COL14A1: variants seen among roughly 807,000 people sequenced by gnomAD.
COL14A1 encodes the protein collagen alpha-1(XIV) chain.
In COL14A1, 136 loss-of-function variants were observed where a neutral mutation model predicts 230.3. That is an observed-to-expected ratio of 0.59 (90% CI 0.51 to 0.68). COL14A1 has a LOEUF of 0.68. Ranked by LOEUF, COL14A1 falls within the 30% of genes least tolerant of loss-of-function variation. The pLI, the probability that COL14A1 is intolerant of heterozygous loss-of-function variation, is 0.00. For synonymous variants in COL14A1, 792 were observed against 784.1 expected, an observed-to-expected ratio of 1.01 and a Z score of -0.17; for missense variants, 1,976 against 2,215.8, an observed-to-expected ratio of 0.89 and a Z score of 2.17.
chr8:120,176,479 C>T (rs1816286708), intron 5 of COL14A1, among the ~76,000 whole-genome samples: 1 of 152,172 alleles, frequency 6.6e-6, no homozygotes. Flanking sequence ...GTTCTTGGCT[C>T]ACAGTCAAGA....
intron 45 of COL14A1, among the ~76,000 whole-genome samples, chr8:120,356,043 C>G (rs1485625079): frequency 6.6e-6 from 1 of 152,026 alleles, no homozygotes; most frequent in African/African-American, 2.4e-5. Flanking sequence ...AAGTGGAAGA[C>G]CTGGTTTGGA....
Position 120,225,222 on chromosome 8 carries a change from G to A in COL14A1, c.1864+8G>A. 6.2e-7 allele frequency: 1 copy of A among 1,609,770 alleles called. No individual in the cohort carries two copies. Among genetic ancestry groups the A allele is most frequent in the Non-Finnish European group, 8.5e-7 (1 of 1,178,676 alleles). The stretch of plus-strand genomic sequence containing the variant: ...CTGGAGTTTTTACCACCGGTAAGCA[G>A]CCTCATTATGGTTTGAAAAGTTTTG... On this transcript the variant is annotated splice_region_variant and intron_variant, in intron 15 of 47. Coordinates refer to ENST00000297848, the MANE Select transcript of COL14A1 (RefSeq NM_021110.4).
intron 40 of COL14A1, among the ~76,000 whole-genome samples, 175 bp downstream of exon 40, chr8:120,316,172 G>T: frequency 6.6e-6 from 1 of 152,198 alleles, no homozygotes; most frequent in East Asian, 1.9e-4. Context: ...CATCTTCTAT[G>T]TTCATTACTT....
chr8:120,173,516 CTCTG>C (rs1427012195), intron 5 of COL14A1, among the ~76,000 whole-genome samples: 1 of 151,638 alleles, frequency 6.6e-6, no homozygotes, highest in Non-Finnish European at 1.5e-5. Context: ...ACCATTATCT[CTCTG>C]TCTGTCTCTC....
chr8:120,370,447 C>T (rs1429732777), intron 47 of COL14A1: 3 of 1,572,154 alleles, frequency 1.9e-6, no homozygotes, highest in African/African-American at 2.7e-5. Flanking sequence ...ACCACCACCA[C>T]CACCAAGCCC....
At chr8:120,166,475 T>C (rs1035821269) in intron 4 of COL14A1, among the ~76,000 whole-genome samples, 1 of 152,222 alleles carries the variant, frequency 6.6e-6, no homozygotes, top group African/African-American at 2.4e-5. Context: ...TTTGGAAGTC[T>C]GACTCAAAAC....
chr8:120,309,533 A>G (rs1820959906), intron 36 of COL14A1, among the ~76,000 whole-genome samples: 1 of 152,188 alleles, frequency 6.6e-6, no homozygotes, highest in Non-Finnish European at 1.5e-5. Flanking sequence ...GAGGGGAAAT[A>G]TGAATGACAA....
intron 35 of COL14A1, among the ~76,000 whole-genome samples, chr8:120,298,597 T>TTTTATATATA (rs576663862): frequency 2.6e-3 from 152 of 57,940 alleles, no homozygotes; most frequent in East Asian, 0.011. Flanking sequence ...CCCATATATT[T>TTTTATATATA]TATATATATA....
intron 41 of COL14A1, among the ~76,000 whole-genome samples, 154 bp from the exon 42 acceptor site, chr8:120,332,510 C>T (rs182542863): frequency 7.9e-4 from 120 of 152,224 alleles, no homozygotes; most frequent in African/African-American, 2.7e-3. Context: ...GTCTTCCCTC[C>T]GTTTTTGGGA....
At chr8:120,282,677 G>A (rs1820074473) in intron 31 of COL14A1, among the ~76,000 whole-genome samples, 1 of 152,134 alleles carries the variant, frequency 6.6e-6, no homozygotes, top group Admixed American at 6.5e-5. Flanking sequence ...CCTACTATAT[G>A]TAAAGGGTTG....
chr8:120,234,402 G>C (rs567180321), intron 19 of COL14A1, among the ~76,000 whole-genome samples: 1 of 152,122 alleles, frequency 6.6e-6, no homozygotes, highest in African/African-American at 2.4e-5. Context: ...ATTTTCAAAG[G>C]GAATGCTTCC....
intron 1 of COL14A1, among the ~76,000 whole-genome samples, chr8:120,125,838 A>C (rs1814316649): frequency 6.6e-6 from 1 of 152,188 alleles, no homozygotes; most frequent in South Asian, 2.1e-4. Flanking sequence ...ATAGGGGACG[A>C]AACTCACCCA....
At chr8:120,234,785 G>C (rs1440216211) in intron 19 of COL14A1, among the ~76,000 whole-genome samples, 2 of 152,048 alleles carry the variant, frequency 1.3e-5, no homozygotes, top group South Asian at 4.1e-4. Flanking sequence ...TTTTTTTGTT[G>C]TGTCTCTGCC....
In COL14A1 at chr8:120,285,857, A is replaced by AT. The variant is rs1820180565; in HGVS notation, c.3968-3dup. The AT allele has an allele frequency of 6.5e-7, 1 of 1,539,848 alleles. No individual in the cohort carries two copies. Among genetic ancestry groups the AT allele is most frequent in the Non-Finnish European group, 8.8e-7 (1 of 1,130,544 alleles). On this transcript the variant is annotated splice_polypyrimidine_tract_variant and splice_region_variant and intron_variant, in intron 32 of 47. Coordinates refer to ENST00000297848, the MANE Select transcript of COL14A1 (RefSeq NM_021110.4). The stretch of plus-strand genomic sequence containing the variant: ...CTAAAATATTTTTATTTTTCTTTCA[A>AT]TAGATGGTGGGAAAACTCTAACATA...
intron 5 of COL14A1, among the ~76,000 whole-genome samples, chr8:120,170,654 G>A (rs749370593): frequency 6.6e-5 from 10 of 151,678 alleles, no homozygotes; most frequent in Admixed American, 1.3e-4. Context: ...TGTAACTCTG[G>A]CAATTTTGTT....
intron 5 of COL14A1, among the ~76,000 whole-genome samples, chr8:120,168,983 G>A (rs1354689884): frequency 6.6e-6 from 1 of 152,082 alleles, no homozygotes; most frequent in Admixed American, 6.6e-5. Context: ...AGCCTCCTGA[G>A]TAGCTGGGAT....
chr8:120,162,341 C>A, intron 3 of COL14A1, 85 bp from the exon 4 acceptor site: 1 of 1,147,696 alleles, frequency 8.7e-7, no homozygotes, highest in Non-Finnish European at 1.2e-6. Context: ...CTGTTTAACA[C>A]CATAATTGCT....
At position 120,314,375 on chromosome 8, in the gene COL14A1, T is replaced by C. The variant is rs139257244; in HGVS notation, c.4551+348T>C. ...GTAACAAATGTTATACAAATTTAAG[T>C]TTTTTAATTATGTGTAGTAACTGCT... On this transcript the variant is annotated intron_variant, in intron 38 of 47. Transcript: ENST00000297848. Among the ~76,000 whole-genome samples, 648 of 152,306 alleles carry C rather than the reference T, an allele frequency of 4.3e-3. 3 individuals carry two copies. The highest frequency in any genetic ancestry group is 0.014 in the African/African-American group (583 of 41,556).
chr8:120,354,366 A>C, intron 45 of COL14A1, among the ~76,000 whole-genome samples: 2 of 128,126 alleles, frequency 1.6e-5, no homozygotes, highest in Non-Finnish European at 3.2e-5. Flanking sequence ...CAATGTGCAC[A>C]TGTACCCTAA....
Sources: allele counts gnomAD v4.1 joint callset (sites outside exome capture counted in the v4.1 genomes callset), GRCh38; gene constraint gnomAD v4.1.1; transcripts MANE v1.5; gene names NCBI Gene and HGNC (gene_info 2026-07-23, HGNC 2026-07-21).